RNF213: variants seen among roughly 807,000 people sequenced by gnomAD.
RNF213 encodes ring finger protein 213.
RNF213 carries 341 observed loss-of-function variants against 514.4 expected under a neutral mutation model. The ratio of observed to expected loss-of-function variants is 0.66; its 90% CI spans 0.61 to 0.73. The LOEUF is 0.73. RNF213 is among the 30% of genes least tolerant of loss of function. The pLI is 0.00. For missense variants in RNF213, 5,767 were observed against 6,615.6 expected (o/e 0.87, Z 4.45); for synonymous variants, 2,655 against 2,658.2 (o/e 1.00, Z 0.04).
chr17:80,321,725 G>A (rs1224094843), intron 17 of RNF213, among the ~76,000 whole-genome samples: 1 of 152,014 alleles, frequency 6.6e-6, no homozygotes, highest in Non-Finnish European at 1.5e-5. Context: ...TCTCCTTGTG[G>A]TTTTTGTTTG....
Position 80,346,044 on chromosome 17 carries a change from C to T in RNF213, c.7709C>T (p.Ala2570Val). 6.2e-7 allele frequency: 1 copy of T among 1,614,178 alleles called. No individual in the cohort carries two copies. The highest frequency in any genetic ancestry group is 8.5e-7 in the Non-Finnish European group (1 of 1,180,036). Residue 2570 changes from alanine (A) to valine (V), a missense_variant, in exon 29 of 68, where the codon GCT (alanine) becomes GTT (valine). Physicochemically the swap from Ala to Val is moderately conservative, Grantham distance 64 (BLOSUM62 0). Around this residue, in one of 13 missense-constraint regions of RNF213, gnomAD observed 1,377 missense variants for 1,635.2 expected, o/e 0.84. Coordinates refer to ENST00000582970, the MANE Select transcript of RNF213 (RefSeq NM_001256071.3). The surrounding 1 kb of genome is among the most constrained non-coding windows in gnomAD (Gnocchi z 8.1). ...AGGCAGCTGGTATACCGGGTCCATGCTCTGCCCCCGAGCCTGATTCCTCTG... is the reference window on the plus strand; with the variant it reads ...AGGCAGCTGGTATACCGGGTCCATGTTCTGCCCCCGAGCCTGATTCCTCTG... ...PLRQLVYRVH[A>V]LPPSLIPLVW... is the part of the protein sequence containing the mutation.
intron 49 of RNF213, among the ~76,000 whole-genome samples, chr17:80,373,523 A>C (rs1183135075): frequency 6.6e-6 from 1 of 152,060 alleles, no homozygotes; most frequent in Non-Finnish European, 1.5e-5. Context: ...CACTCACCTC[A>C]GAGCTTCTTT....
intron 26 of RNF213, among the ~76,000 whole-genome samples, chr17:80,342,644 T>C (rs1415703761): frequency 4.1e-5 from 6 of 147,036 alleles, no homozygotes; most frequent in African/African-American, 1.5e-4. Context: ...ATATATTCTA[T>C]ATATTTTTAC....
chr17:80,398,321 T>C lies in RNF213; in HGVS notation c.*4823T>C, dbSNP rs1470300288. The C allele has an allele frequency of 6.6e-6, 1 of 152,050 alleles. No homozygotes were observed. Among genetic ancestry groups the C allele is most frequent in the East Asian group, 1.9e-4 (1 of 5,184 alleles). The allele number at this position is 152,050 out of a possible 1,614,324, so 9.4% of individuals were successfully genotyped here. A position where few individuals can be genotyped will look rare whatever the true frequency, so the allele number is the denominator to read the frequency against. On this transcript the variant is annotated 3_prime_UTR_variant, in exon 68 of 68. Coordinates refer to ENST00000582970, the MANE Select transcript of RNF213 (RefSeq NM_001256071.3). ...GTAGGGTGAGCGTAATGTTTTGTCT[T>C]GAAGAAGCATGGGTCAAGCACAAAG...
chr17:80,363,345 G>A (rs773083903), intron 40 of RNF213, 31 bp downstream of exon 40: 1 of 1,597,238 alleles, frequency 6.3e-7, no homozygotes, highest in Non-Finnish European at 8.6e-7. Context: ...CCCTGAGCAA[G>A]CCTTGTGGTG....
rs936916370 is a variant in RNF213, at chr17:80,288,926, C to T, written c.933+171C>T. ...TCCAGCGGAGAGAGAGTCAGGAAAC[C>T]GACTTCAGCGGTGAGAAGAGCGTGG... On this transcript the variant is annotated intron_variant, in intron 5 of 67. Coordinates refer to ENST00000582970, the MANE Select transcript of RNF213 (RefSeq NM_001256071.3). The surrounding 1 kb of genome is among the most constrained non-coding windows in gnomAD (Gnocchi z 4.9). 6.6e-6 allele frequency among the ~76,000 whole-genome samples: 1 copy of T among 152,202 alleles called. No individual in the cohort carries two copies. Among genetic ancestry groups the T allele is most frequent in the Admixed American group, 6.5e-5 (1 of 15,286 alleles).
intron 54 of RNF213, chr17:80,379,416 A>C: frequency 1.6e-6 from 1 of 608,508 alleles, no homozygotes; most frequent in Non-Finnish European, 3.0e-6. Context: ...TTTAAAAAAC[A>C]GTTCCAGTTT....
At position 80,375,850 on chromosome 17, in the gene RNF213, A is replaced by G. The variant is rs187389872; in HGVS notation, c.13165A>G (p.Ser4389Gly). The G allele has an allele frequency of 6.2e-6, 10 of 1,613,208 alleles. No homozygotes were observed. The East Asian group carries it at 2.2e-4, about 36-fold the overall frequency. Reference sequence around the variant, plus strand: ...TATTTTGTACAGATCCCACAATGCAAGCCTCCACCCCACGCCAGAGGTGAG... The same window carrying G: ...TATTTTGTACAGATCCCACAATGCAGGCCTCCACCCCACGCCAGAGGTGAG... ...VAILYRSHNA[S>G]LHPTPEQCEA... Residue 4389 changes from serine (S) to glycine (G), a missense_variant, in exon 51 of 68, where the codon AGC becomes GGC. Ser to Gly is a moderately conservative substitution (Grantham distance 56). Around this residue, in one of 13 missense-constraint regions of RNF213, gnomAD observed 1,245 missense variants for 1,339.0 expected, o/e 0.93. Transcript: ENST00000582970.
At chr17:80,350,608 G>C (rs2078473987) in intron 31 of RNF213, among the ~76,000 whole-genome samples, 1 of 152,186 alleles carries the variant, frequency 6.6e-6, no homozygotes. Context: ...ATAGTGGAAT[G>C]GGCCTGGGCA....
At position 80,353,563 on chromosome 17, in the gene RNF213, A is replaced by G. The variant is rs760330653; in HGVS notation, c.10475A>G (p.Glu3492Gly). The G allele has an allele frequency of 2.5e-6, 4 of 1,613,760 alleles. No homozygotes were observed. In the South Asian group the frequency reaches 4.4e-5, roughly 18 times the overall value. ...EDGHEEAMET[E>G]ASTSGEVAEV... ...GGCCATGAGGAGGCGATGGAGACGGAGGCCAGCACATCAGGGGAGGTGGCA... is the reference window on the plus strand; with the variant it reads ...GGCCATGAGGAGGCGATGGAGACGGGGGCCAGCACATCAGGGGAGGTGGCA... Residue 3492 changes from glutamate to glycine, a missense_variant, in exon 34 of 68, where the codon GAG (glutamate) becomes GGG (glycine). By Grantham distance (98) the Glu-to-Gly change is moderately conservative. Transcript: ENST00000582970. The surrounding 1 kb of genome is among the most constrained non-coding windows in gnomAD (Gnocchi z 5.0).
At chr17:80,355,078 G>C in intron 36 of RNF213, 1 of 397,792 alleles carries the variant, frequency 2.5e-6, no homozygotes, top group Non-Finnish European at 5.0e-6. Flanking sequence ...CGTGTATTGA[G>C]GAAGGAGGGG....
intron 1 of RNF213, among the ~76,000 whole-genome samples, chr17:80,262,040 G>A (rs117752548): frequency 5.2e-4 from 79 of 152,236 alleles, no homozygotes; most frequent in Non-Finnish European, 8.5e-4. Context: ...GATTTTTCGA[G>A]TTTTCTGGTC....
chr17:80,387,781 C>T (rs2080296835), intron 63 of RNF213, among the ~76,000 whole-genome samples: 1 of 152,194 alleles, frequency 6.6e-6, no homozygotes, highest in South Asian at 2.1e-4. Flanking sequence ...AGCCACTTAG[C>T]CCATTTCCCT....
Position 80,337,598 on chromosome 17 carries a change from A to C in RNF213, c.4540A>C (p.Arg1514=). The change falls in exon 24 of 68, where the codon AGG becomes CGG. Residue 1514 remains arginine (R), a synonymous_variant. Coordinates refer to ENST00000582970, the MANE Select transcript of RNF213 (RefSeq NM_001256071.3). The part of the protein sequence containing the change: ...YLPRKLCDSA[R]NLEWLKTVNE... ...TTTGTCCCCATAGTGTGACTCCGCC[A>C]GGAACTTGGAATGGCTGAAGACTGT... 6.5e-7 allele frequency: 1 copy of C among 1,537,306 alleles called. No homozygotes were observed.
chr17:80,339,361 A>T lies in RNF213; in HGVS notation c.4994A>T (p.Glu1665Val). 3 of 1,537,246 alleles carry T rather than the reference A, an allele frequency of 2.0e-6. No homozygotes were observed. Among genetic ancestry groups the T allele is most frequent in the Non-Finnish European group, 2.6e-6 (3 of 1,146,920 alleles). Residue 1665 changes from glutamate to valine, a missense_variant, in exon 26 of 68, where the codon GAA becomes GTA. Physicochemically the swap from Glu to Val is moderately radical, Grantham distance 121. This residue lies in a region of RNF213 where 1,377 missense variants were observed against 1,635.2 expected (regional missense o/e 0.84). Coordinates refer to ENST00000582970, the MANE Select transcript of RNF213 (RefSeq NM_001256071.3). Reference protein sequence around the residue: ...FGLDLVTELKEGGDVTELLAA... With the variant: ...FGLDLVTELKVGGDVTELLAA... ...TTGGACCTGGTGACGGAGCTTAAAG[A>T]AGGTGGAGATGTCACTGAGCTGCTG...
Position 80,309,171 on chromosome 17 carries a change from G to A in RNF213, c.2655G>A (p.Val885=). Residue 885 remains valine, a splice_region_variant and synonymous_variant, in exon 14 of 68, where the codon GTG becomes GTA. Coordinates refer to ENST00000582970, the MANE Select transcript of RNF213 (RefSeq NM_001256071.3). ...VCRMIRLLSL[V]DSAGQRDETG... is the part of the protein sequence containing the mutation. ...GAATGATTAGACTTCTATCTCTGGT[G>A]GTAAGTGGAGTCAACACACAAGGTA... 1 of 1,614,138 alleles carries A rather than the reference G, an allele frequency of 6.2e-7. No homozygotes were observed. The highest frequency in any genetic ancestry group is 8.5e-7 in the Non-Finnish European group (1 of 1,180,042).
At position 80,317,084 on chromosome 17, in the gene RNF213, C is replaced by T. The variant is rs2045972235; in HGVS notation, c.2812-104C>T. On this transcript the variant is annotated intron_variant, in intron 15 of 67. Coordinates refer to ENST00000582970, the MANE Select transcript of RNF213 (RefSeq NM_001256071.3). The surrounding 1 kb of genome is among the most constrained non-coding windows in gnomAD (Gnocchi z 4.1). Reference sequence around the variant, plus strand: ...GAGAGCCCTGGTGTTCGCGGAGTCCCGCGCTCTCTGTATTGCCGTAATGCT... The same window carrying T: ...GAGAGCCCTGGTGTTCGCGGAGTCCTGCGCTCTCTGTATTGCCGTAATGCT... 27 of 1,260,764 alleles carry T rather than the reference C, an allele frequency of 2.1e-5. No individual in the cohort carries two copies. The highest frequency in any genetic ancestry group is 1.4e-4 in the East Asian group (6 of 41,476). The allele number at this position is 1,260,764 out of a possible 1,614,324, so 78.1% of individuals were successfully genotyped here.
At position 80,317,186 on chromosome 17, in the gene RNF213, A is replaced by G; in HGVS notation, c.2812-2A>G. On this transcript the variant is annotated splice_acceptor_variant, in intron 15 of 67. Coordinates refer to ENST00000582970, the MANE Select transcript of RNF213 (RefSeq NM_001256071.3). LOFTEE classifies it high-confidence loss of function. The surrounding 1 kb of genome is among the most constrained non-coding windows in gnomAD (Gnocchi z 4.1). ...GGTGTGACCTGTGTGCGGGTTTTGC[A>G]GGTCTGGAGGCGGCTGGTGGAAATC... is the stretch of plus-strand genomic sequence containing the variant. 1.2e-6 allele frequency: 2 copies of G among 1,611,228 alleles called. No individual in the cohort carries two copies. Among genetic ancestry groups the G allele is most frequent in the South Asian group, 1.1e-5 (1 of 89,756 alleles).
At chr17:80,389,747 A>G (rs1361144807) in intron 65 of RNF213, 81 bp from the exon 66 acceptor site, 4 of 1,127,488 alleles carry the variant, frequency 3.5e-6, no homozygotes, top group Non-Finnish European at 5.4e-6. Flanking sequence ...CTGTGTGGAG[A>G]GCACTCAGGC....
Sources: gnomAD v4.1 joint callset for allele counts (sites outside exome capture counted in the v4.1 genomes callset) on GRCh38, gnomAD v4.1.1 for gene constraint, gnomAD v4.1.1 regional missense constraint, Gnocchi (gnomAD v3.1) non-coding constraint, MANE v1.5 for transcripts, NCBI Gene and HGNC (gene_info 2026-07-23, HGNC 2026-07-21) for gene names.